Variants in TMEM132D observed in about 807,000 individuals in gnomAD.
The protein encoded by TMEM132D is mature OL transmembrane protein.
In TMEM132D, 21 loss-of-function variants were observed where a neutral mutation model predicts 62.3. The observed-to-expected ratio is 0.34, with a 90% CI of 0.24 to 0.49. TMEM132D has a LOEUF of 0.49. TMEM132D is among the 20% of genes least tolerant of loss of function. The pLI, the probability that TMEM132D is intolerant of heterozygous loss-of-function variation, is 0.99. For missense variants in TMEM132D, 1,346 were observed against 1,402.8 expected (o/e 0.96, Z 0.65); for synonymous variants, 621 against 575.6 (o/e 1.08, Z -1.13).
intron 2 of TMEM132D, among the ~76,000 whole-genome samples, chr12:129,587,436 G>T (rs1360735859): frequency 6.6e-6 from 1 of 152,072 alleles, no homozygotes; most frequent in Non-Finnish European, 1.5e-5. Context: ...AATAACTAAT[G>T]GGTACTAGGC....
intron 3 of TMEM132D, among the ~76,000 whole-genome samples, chr12:129,343,908 A>G (rs10773636): frequency 0.98 from 149,860 of 152,324 alleles, 73,758 homozygotes; most frequent in Middle Eastern, 1. Context: ...CTGCACTCCA[A>G]CCTGGGTGAC....
intron 3 of TMEM132D, among the ~76,000 whole-genome samples, chr12:129,461,722 G>A (rs1358185284): frequency 1.3e-5 from 2 of 150,026 alleles, no homozygotes; most frequent in Non-Finnish European, 3.0e-5. Context: ...GGTAGGTAGA[G>A]AGGTGGGTGG....
At chr12:129,448,652 AT>A in intron 3 of TMEM132D, among the ~76,000 whole-genome samples, 1 of 152,184 alleles carries the variant, frequency 6.6e-6, no homozygotes, top group South Asian at 2.1e-4. Context: ...GTTGATTCCA[AT>A]TTTTTTCAAA....
At chr12:129,502,574 C>T (rs1171692817) in intron 3 of TMEM132D, among the ~76,000 whole-genome samples, 1 of 151,852 alleles carries the variant, frequency 6.6e-6, no homozygotes. Flanking sequence ...GGATTCTCCA[C>T]CTCTCTTTTA....
At chr12:129,574,441 G>A (rs956478298) in intron 2 of TMEM132D, among the ~76,000 whole-genome samples, 2 of 151,926 alleles carry the variant, frequency 1.3e-5, no homozygotes, top group Non-Finnish European at 2.9e-5. Flanking sequence ...AACAATTAGA[G>A]AGCAAAGGCA....
At chr12:129,436,122 C>T (rs539386024) in intron 3 of TMEM132D, among the ~76,000 whole-genome samples, 6 of 152,208 alleles carry the variant, frequency 3.9e-5, no homozygotes, top group South Asian at 2.1e-4. Context: ...CTTGAGGGCA[C>T]GTGGATGAGA....
intron 3 of TMEM132D, among the ~76,000 whole-genome samples, chr12:129,395,951 AAAT>A (rs1489657646): frequency 7.0e-6 from 1 of 143,382 alleles, no homozygotes; most frequent in African/African-American, 2.7e-5. Context: ...ATGTATTATA[AAAT>A]AATATATAAT....
At chr12:129,582,077 T>G (rs1220884731) in intron 2 of TMEM132D, among the ~76,000 whole-genome samples, 1 of 151,808 alleles carries the variant, frequency 6.6e-6, no homozygotes, top group African/African-American at 2.4e-5. Flanking sequence ...AGAGTTGAGG[T>G]TTTCTCTGGT....
intron 1 of TMEM132D, among the ~76,000 whole-genome samples, chr12:129,803,483 G>A (rs1314688405): frequency 1.5e-4 from 23 of 151,982 alleles, no homozygotes; most frequent in Non-Finnish European, 3.2e-4. Flanking sequence ...GATGTTCTTT[G>A]AAACCAACGA....
intron 2 of TMEM132D, among the ~76,000 whole-genome samples, chr12:129,642,658 A>G (rs1879669967): frequency 6.6e-6 from 1 of 152,216 alleles, no homozygotes; most frequent in Admixed American, 6.5e-5. Flanking sequence ...TGCAAATTGG[A>G]CAAGAACGGT....
chr12:129,432,319 T>TTGGATGGA (rs916706920), intron 3 of TMEM132D, among the ~76,000 whole-genome samples: 1 of 37,680 alleles, frequency 2.7e-5, no homozygotes, highest in Non-Finnish European at 5.0e-5. Flanking sequence ...GGATGGATGC[T>TTGGATGGA]TGGATGGATG....
chr12:129,181,895 G>A (rs1878076636), intron 5 of TMEM132D, among the ~76,000 whole-genome samples: 1 of 152,084 alleles, frequency 6.6e-6, no homozygotes, highest in Admixed American at 6.6e-5. Context: ...TTGAAAAGCT[G>A]CTTTTCTTTC....
chr12:129,367,260 GT>G (rs1353230723), intron 3 of TMEM132D, among the ~76,000 whole-genome samples: 41 of 82,896 alleles, frequency 4.9e-4, no homozygotes, highest in Non-Finnish European at 1.1e-3. Flanking sequence ...CACATTATCT[GT>G]CTGTCTGTCT....
chr12:129,126,996 G>A (rs115201273), intron 5 of TMEM132D, among the ~76,000 whole-genome samples: 5 of 152,310 alleles, frequency 3.3e-5, no homozygotes, highest in East Asian at 1.9e-4. Context: ...AGACAAGGAC[G>A]CAGTCTGAAC....
At position 129,739,845 on chromosome 12, in the gene TMEM132D, C is replaced by G. The variant is rs141580793; in HGVS notation, c.80-39147G>C. 2.7e-3 allele frequency among the ~76,000 whole-genome samples: 417 copies of G among 152,292 alleles called. 4 individuals are homozygous for G. Among genetic ancestry groups the G allele is most frequent in the African/African-American group, 9.5e-3 (394 of 41,552 alleles). ...GGTTCTACTATTAAGATGGCATTGA[C>G]CCTTCTCCATTGGTAATTAACATCT... On this transcript the variant is annotated intron_variant, in intron 1 of 8. Coordinates refer to ENST00000422113, the MANE Select transcript of TMEM132D (RefSeq NM_133448.3).
intron 3 of TMEM132D, among the ~76,000 whole-genome samples, chr12:129,383,338 C>T (rs1177907867): frequency 1.3e-5 from 2 of 152,198 alleles, no homozygotes; most frequent in Non-Finnish European, 2.9e-5. Flanking sequence ...CCTAAGCCCA[C>T]CAGCCCTCAG....
At chr12:129,837,787 G>A (rs1873052758) in intron 1 of TMEM132D, among the ~76,000 whole-genome samples, 1 of 152,122 alleles carries the variant, frequency 6.6e-6, no homozygotes, top group Non-Finnish European at 1.5e-5. Flanking sequence ...ATAGTTCCTG[G>A]ACTTCCTGCC....
chr12:129,378,125 G>A (rs1367635731), intron 3 of TMEM132D, among the ~76,000 whole-genome samples: 1 of 152,126 alleles, frequency 6.6e-6, no homozygotes, highest in Admixed American at 6.5e-5. Flanking sequence ...AGGCCATATT[G>A]AAATAATCAT....
intron 3 of TMEM132D, among the ~76,000 whole-genome samples, chr12:129,516,468 G>T (rs769353143): frequency 2.0e-5 from 3 of 152,310 alleles, no homozygotes; most frequent in East Asian, 1.9e-4. Flanking sequence ...AAGGTGAAAG[G>T]CACATCTTAC....
Sources: gnomAD v4.1 joint callset for allele counts (sites outside exome capture counted in the v4.1 genomes callset) on GRCh38, gnomAD v4.1.1 for gene constraint, MANE v1.5 for transcripts, NCBI Gene and HGNC (gene_info 2026-07-23, HGNC 2026-07-21) for gene names.